The following SRRM2 variants were observed in gnomAD, a reference collection of about 807,000 sequenced individuals.
SRRM2 encodes serine/arginine repetitive matrix protein 2.
A neutral mutation model predicts 213.8 loss-of-function variants in SRRM2; 30 were observed. That is an observed-to-expected ratio of 0.14 (90% CI 0.10 to 0.19). The LOEUF (loss-of-function observed/expected upper bound fraction) is 0.19, where lower values mean the gene tolerates loss of function less well. SRRM2 is among the 10% of genes least tolerant of loss of function. The pLI is 1.00. For missense variants in SRRM2, 4,904 were observed against 3,647.0 expected, an observed-to-expected ratio of 1.34 and a Z score of -8.88; for synonymous variants, 2,025 against 1,377.7, an observed-to-expected ratio of 1.47 and a Z score of -10.40.
chr16:2,762,034 G>C lies in SRRM2; in HGVS notation c.1506G>C (p.Lys502Asn), dbSNP rs2068369755. ...GATCTCGGTCTCGAACCCCTACCAA[G>C]AGAGGTCATTCTCGATCCCGATCTC... ...RGRSRSRTPTKRGHSRSRSPQ... is the reference protein window; with the variant it reads ...RGRSRSRTPTNRGHSRSRSPQ... Residue 502 changes from lysine (K) to asparagine (N), a missense_variant, in exon 11 of 15, where the codon AAG becomes AAC. Coordinates refer to ENST00000301740, the MANE Select transcript of SRRM2 (RefSeq NM_016333.4). 1 of 1,614,214 alleles carries C rather than the reference G, an allele frequency of 6.2e-7. No individual in the cohort carries two copies. Among genetic ancestry groups the C allele is most frequent in the South Asian group, 1.1e-5 (1 of 91,088 alleles).
chr16:2,765,314 A>C lies in SRRM2; in HGVS notation c.4786A>C (p.Ser1596Arg). Residue 1596 changes from serine (S) to arginine (R), a missense_variant, in exon 11 of 15, where the codon AGT becomes CGT. Transcript: ENST00000301740. Reference protein sequence around the residue: ...DSKSRLSPRRSRSGSSPEVKD... With the variant: ...DSKSRLSPRRRRSGSSPEVKD... ...CAAATCTCGACTATCCCCTCGGCGCAGTAGGTCTGGTTCCTCCCCTGAAGT... is the reference window on the plus strand; with the variant it reads ...CAAATCTCGACTATCCCCTCGGCGCCGTAGGTCTGGTTCCTCCCCTGAAGT... The C allele has an allele frequency of 1.9e-6, 3 of 1,614,134 alleles. No individual in the cohort carries two copies. The highest frequency in any genetic ancestry group is 2.5e-6 in the Non-Finnish European group (3 of 1,180,016).
chr16:2,761,447 G>C (rs2068344472), intron 10 of SRRM2, 114 bp from the exon 11 acceptor site: 2 of 813,822 alleles, frequency 2.5e-6, no homozygotes, highest in Admixed American at 2.8e-5. Context: ...ATCGCTTGTG[G>C]TCAGAGGGTG....
Position 2,771,245 on chromosome 16 carries a change from T to C in SRRM2, c.*378T>C, listed in dbSNP as rs1042019388. On this transcript the variant is annotated 3_prime_UTR_variant, in exon 15 of 15. Transcript: ENST00000301740. Reference sequence around the variant, plus strand: ...TGGGACTGGAGGTTGTATAAGGTGTTCTTGGAAGGAAGGGGCAGGAGTTGG... The same window carrying C: ...TGGGACTGGAGGTTGTATAAGGTGTCCTTGGAAGGAAGGGGCAGGAGTTGG... 2 of 720,154 alleles carry C rather than the reference T, an allele frequency of 2.8e-6. No individual in the cohort carries two copies. Among genetic ancestry groups the C allele is most frequent in the African/African-American group, 3.5e-5 (2 of 56,574 alleles). 44.6% of individuals were successfully genotyped at this position (720,154 alleles called of 1,614,324 possible).
intron 9 of SRRM2, 23 bp from the exon 10 acceptor site, chr16:2,760,278 A>G (rs1430126565): frequency 1.2e-6 from 2 of 1,607,574 alleles, no homozygotes; most frequent in South Asian, 1.1e-5. Flanking sequence ...TTCCTCTCCC[A>G]CGTCCTCAAT....
chr16:2,758,303 A>T (rs1596266122), intron 4 of SRRM2, among the ~76,000 whole-genome samples, 167 bp from the exon 5 acceptor site: 2 of 152,254 alleles, frequency 1.3e-5, no homozygotes, highest in Middle Eastern at 6.8e-3. Context: ...CACAAGTTGG[A>T]GGTTACGGTG....
chr16:2,770,636 A>C lies in SRRM2; in HGVS notation c.8168A>C (p.Gln2723Pro), dbSNP rs1318270711. ...AGTGAGCGGGGTTCCCGGAGAGGCC[A>C]GCGTGGGGACAGCCGCTCCCCCAGC... ...SSSERGSRRG[Q>P]RGDSRSPSHK... Residue 2723 changes from glutamine (Q) to proline (P), a missense_variant, in exon 14 of 15, where the codon CAG (glutamine) becomes CCG (proline). By Grantham distance (76) the Gln-to-Pro change is moderately conservative (BLOSUM62 -1). Transcript: ENST00000301740. The C allele has an allele frequency of 3.9e-6, 6 of 1,552,590 alleles. No homozygotes were observed. The East Asian group carries it at 9.8e-5, about 25-fold the overall frequency.
chr16:2,752,944 C>T (rs1235017343), intron 1 of SRRM2, 98 bp downstream of exon 1: 8 of 155,202 alleles, frequency 5.2e-5, no homozygotes, highest in African/African-American at 1.9e-4. Flanking sequence ...CGCCGAGCTC[C>T]TCCGCGCGCA....
chr16:2,754,861 T>G (rs546387361), intron 1 of SRRM2, among the ~76,000 whole-genome samples: 5 of 152,206 alleles, frequency 3.3e-5, no homozygotes, highest in Admixed American at 2.6e-4. Context: ...GCTTGCCTTA[T>G]CCAGGTTTAG....
In SRRM2 at chr16:2,771,383, T is replaced by C; in HGVS notation, c.*516T>C. ...AATCTGTACAGCAAGAGCAACTTTT[T>C]CTGTCAAATAAAAATGAGAAATGCA... On this transcript the variant is annotated 3_prime_UTR_variant, in exon 15 of 15. Transcript: ENST00000301740. 6.2e-7 allele frequency: 1 copy of C among 1,607,376 alleles called. No individual in the cohort carries two copies. Among genetic ancestry groups the C allele is most frequent in the Non-Finnish European group, 8.5e-7 (1 of 1,174,310 alleles).
In SRRM2 at chr16:2,771,200, G is replaced by C; in HGVS notation, c.*333G>C. On this transcript the variant is annotated 3_prime_UTR_variant, in exon 15 of 15. Transcript: ENST00000301740. ...CCCCACTTGTATCCAGAAGTTCCCAGGGGTGATTGTGATGGTGGTTGGGAC... is the reference window on the plus strand; with the variant it reads ...CCCCACTTGTATCCAGAAGTTCCCACGGGTGATTGTGATGGTGGTTGGGAC... The C allele has an allele frequency of 1.5e-6, 1 of 647,744 alleles. No homozygotes were observed. The highest frequency in any genetic ancestry group is 2.7e-6 in the Non-Finnish European group (1 of 369,648). 40.1% of individuals were successfully genotyped at this position (647,744 alleles called of 1,614,324 possible). A position where few individuals can be genotyped will look rare whatever the true frequency, so the allele number is the denominator to read the frequency against.
chr16:2,757,240 T>C (rs1567220010), intron 2 of SRRM2, among the ~76,000 whole-genome samples: 1 of 152,136 alleles, frequency 6.6e-6, no homozygotes, highest in East Asian at 1.9e-4. Flanking sequence ...TTAACTTTTT[T>C]CTTTTGGTCC....
At chr16:2,758,644 G>A in intron 5 of SRRM2, 97 bp downstream of exon 5, 2 of 1,221,334 alleles carry the variant, frequency 1.6e-6, no homozygotes, top group South Asian at 2.5e-5. Flanking sequence ...CACAAAGCAG[G>A]AGATAGTTGT....
Position 2,757,707 on chromosome 16 carries a change from C to T in SRRM2, c.351-74C>T, listed in dbSNP as rs192353653. The T allele has an allele frequency of 3.3e-5, 53 of 1,584,006 alleles. No homozygotes were observed. In the African/African-American group the frequency reaches 6.5e-4, roughly 19 times the overall value. On this transcript the variant is annotated intron_variant, in intron 3 of 14. Transcript: ENST00000301740. ...GCCTTTCCCATGCCTTATTTGGCTC[C>T]TGCTTATACTTGTGTTCTGAATATG...
chr16:2,766,844 C>T lies in SRRM2; in HGVS notation c.6316C>T (p.Pro2106Ser). 6.2e-7 allele frequency: 1 copy of T among 1,614,214 alleles called. No individual in the cohort carries two copies. Among genetic ancestry groups the T allele is most frequent in the Non-Finnish European group, 8.5e-7 (1 of 1,180,044 alleles). The change falls in exon 11 of 15, where the codon CCA becomes TCA. Residue 2106 changes from proline (P) to serine (S), a missense_variant. Transcript: ENST00000301740. This position sits in a 1 kb window ranked among gnomAD's most constrained non-coding sequence, Gnocchi z 7.0. ...TRNHSGSRTP[P>S]VALNSSRMSC... ...AAATCATTCTGGTTCACGGACACCTCCAGTAGCACTCAACAGTTCCAGAAT... is the reference window on the plus strand; with the variant it reads ...AAATCATTCTGGTTCACGGACACCTTCAGTAGCACTCAACAGTTCCAGAAT...
In SRRM2 at chr16:2,756,737, G is replaced by A. The variant is rs2068155396; in HGVS notation, c.242+131G>A. 2.4e-6 allele frequency: 3 copies of A among 1,275,668 alleles called. No individual in the cohort carries two copies. The Admixed American group carries it at 8.1e-5, about 34-fold the overall frequency. 79.0% of individuals were successfully genotyped at this position (1,275,668 alleles called of 1,614,324 possible). Reference sequence around the variant, plus strand: ...AGTTGTGGTAGGGGAGGAGGCAGATGAGCTCTAGAGAAGTGAAAACAGTTA... The same window carrying A: ...AGTTGTGGTAGGGGAGGAGGCAGATAAGCTCTAGAGAAGTGAAAACAGTTA... On this transcript the variant is annotated intron_variant, in intron 2 of 14. Coordinates refer to ENST00000301740, the MANE Select transcript of SRRM2 (RefSeq NM_016333.4).
chr16:2,763,184 C>G lies in SRRM2; in HGVS notation c.2656C>G (p.Pro886Ala). ...SPDPELKSRT[P>A]SRHSCSGSSP... ...TGACCCTGAGTTGAAATCTAGGACCCCTTCTAGACATAGCTGCTCAGGGTC... is the reference window on the plus strand; with the variant it reads ...TGACCCTGAGTTGAAATCTAGGACCGCTTCTAGACATAGCTGCTCAGGGTC... Residue 886 changes from proline (P) to alanine (A), a missense_variant, in exon 11 of 15, where the codon CCT (proline) becomes GCT (alanine). Physicochemically the swap from Pro to Ala is conservative, Grantham distance 27. Transcript: ENST00000301740. The G allele has an allele frequency of 1.2e-6, 2 of 1,614,068 alleles. No homozygotes were observed. Among genetic ancestry groups the G allele is most frequent in the Admixed American group, 1.7e-5 (1 of 60,008 alleles).
At position 2,763,781 on chromosome 16, in the gene SRRM2, T is replaced by C. The variant is rs762890888; in HGVS notation, c.3253T>C (p.Ser1085Pro). The change falls in exon 11 of 15, where the codon TCT (serine) becomes CCT (proline). Residue 1085 changes from serine (S) to proline (P), a missense_variant. Ser to Pro is a moderately conservative substitution (Grantham distance 74). Coordinates refer to ENST00000301740, the MANE Select transcript of SRRM2 (RefSeq NM_016333.4). The stretch of plus-strand genomic sequence containing the variant: ...GAGACAGAGTCATTCAGAATCACCA[T>C]CTCTGCAGAGCAAATCTCAAACATC... ...EVRQSHSESP[S>P]LQSKSQTSPK... 14 of 1,614,016 alleles carry C rather than the reference T, an allele frequency of 8.7e-6. No homozygotes were observed. The highest frequency in any genetic ancestry group is 1.7e-5 in the Admixed American group (1 of 60,006).
In SRRM2 at chr16:2,764,591, T is replaced by C. The variant is rs563234135; in HGVS notation, c.4063T>C (p.Leu1355=). The C allele has an allele frequency of 6.2e-7, 1 of 1,614,252 alleles. No homozygotes were observed. The highest frequency in any genetic ancestry group is 1.1e-5 in the South Asian group (1 of 91,086). Reference sequence around the variant, plus strand: ...ATTTTCTTCTGAGGTTAAAGAAGATTTGAATGGACCGTTTCTTAATCAGCT... The same window carrying C: ...ATTTTCTTCTGAGGTTAAAGAAGATCTGAATGGACCGTTTCTTAATCAGCT... ...TGFSSEVKED[L]NGPFLNQLET... The change falls in exon 11 of 15, where the codon TTG becomes CTG. Residue 1355 remains leucine (L), a synonymous_variant. Coordinates refer to ENST00000301740, the MANE Select transcript of SRRM2 (RefSeq NM_016333.4).
At chr16:2,758,615 A>G in intron 5 of SRRM2, 68 bp downstream of exon 5, 1 of 1,477,444 alleles carries the variant, frequency 6.8e-7, no homozygotes, top group Non-Finnish European at 9.5e-7. Flanking sequence ...TCTCTCTGGA[A>G]GTGGACAGTT....
Sources: allele counts gnomAD v4.1 joint callset (sites outside exome capture counted in the v4.1 genomes callset), GRCh38; gene constraint gnomAD v4.1.1; non-coding constraint Gnocchi (gnomAD v3.1); transcripts MANE v1.5; gene names NCBI Gene and HGNC (gene_info 2026-07-23, HGNC 2026-07-21).